The following RAB11FIP3 variants were observed in gnomAD, a reference collection of about 807,000 sequenced individuals.
RAB11FIP3 encodes the protein rab11 family-interacting protein 3.
Under a neutral mutation model 77.8 loss-of-function variants are expected in RAB11FIP3, and 17 were observed. That is an observed-to-expected ratio of 0.22 (90% CI 0.15 to 0.33). The LOEUF is 0.33. Ranked by LOEUF, RAB11FIP3 falls within the 10% of genes least tolerant of loss-of-function variation. The pLI, the probability that RAB11FIP3 is intolerant of heterozygous loss-of-function variation, is 1.00. For missense variants in RAB11FIP3, 1,005 were observed against 1,011.2 expected (o/e 0.99, Z 0.08); for synonymous variants, 437 against 448.2 (o/e 0.98, Z 0.31).
chr16:495,049 AGC>A (rs2030993704), intron 5 of RAB11FIP3, among the ~76,000 whole-genome samples: 397 of 149,530 alleles, frequency 2.7e-3, no homozygotes, highest in Admixed American at 4.9e-3. Flanking sequence ...TCGAGGCTGC[AGC>A]GAGCTGTGGT....
chr16:448,562 C>T (rs552276903), intron 1 of RAB11FIP3, among the ~76,000 whole-genome samples: 56 of 151,708 alleles, frequency 3.7e-4, no homozygotes, highest in African/African-American at 1.3e-3. Flanking sequence ...CGGTGAAACC[C>T]CTTCTCTAAT....
intron 3 of RAB11FIP3, chr16:475,216 G>A (rs2055880108): frequency 8.3e-7 from 1 of 1,202,016 alleles, no homozygotes; most frequent in Non-Finnish European, 1.1e-6. Flanking sequence ...GTTACTGATG[G>A]CCCTGAACGG....
intron 1 of RAB11FIP3, among the ~76,000 whole-genome samples, chr16:434,311 C>T (rs1484179730): frequency 5.9e-5 from 9 of 152,074 alleles, no homozygotes; most frequent in Admixed American, 1.3e-4. Flanking sequence ...TTAGTAGAGG[C>T]GGGGTTTCGC....
intron 2 of RAB11FIP3, among the ~76,000 whole-genome samples, chr16:463,877 C>T (rs958023455): frequency 6.6e-6 from 1 of 152,166 alleles, no homozygotes; most frequent in African/African-American, 2.4e-5. Flanking sequence ...CAGCGGGCTG[C>T]GGCAGGACAA....
chr16:488,003 C>T (rs1035417887), intron 4 of RAB11FIP3, among the ~76,000 whole-genome samples: 1 of 151,768 alleles, frequency 6.6e-6, no homozygotes, highest in Non-Finnish European at 1.5e-5. Context: ...GAACTTGTGA[C>T]GTGGGAGGGC....
At chr16:502,983 G>C in intron 6 of RAB11FIP3, 21 bp from the exon 7 acceptor site, 4 of 1,570,078 alleles carry the variant, frequency 2.5e-6, no homozygotes, top group Non-Finnish European at 3.5e-6. Flanking sequence ...TCTTCCCTCT[G>C]TTGTTGTGCC....
At chr16:450,888 G>A (rs1288065451) in intron 1 of RAB11FIP3, among the ~76,000 whole-genome samples, 1 of 118,336 alleles carries the variant, frequency 8.5e-6, no homozygotes, top group African/African-American at 3.4e-5. Flanking sequence ...CCCCTCGCCT[G>A]GGGCACACAC....
intron 4 of RAB11FIP3, 145 bp downstream of exon 4, chr16:482,881 C>T: frequency 1.2e-6 from 1 of 850,840 alleles, no homozygotes; most frequent in Non-Finnish European, 1.8e-6. Context: ...TGCAGTAGCT[C>T]CTGACCTTCC....
At chr16:444,017 A>G (rs189863169) in intron 1 of RAB11FIP3, among the ~76,000 whole-genome samples, 1 of 152,294 alleles carries the variant, frequency 6.6e-6, no homozygotes, top group Admixed American at 6.5e-5. Flanking sequence ...GTTCCTCTGC[A>G]TGTTAATAAA....
rs2054949237 is a variant in RAB11FIP3 at position 426,596 on chromosome 16, C to T, written c.590C>T (p.Pro197Leu). The change falls in exon 1 of 14, where the codon CCC becomes CTC. Residue 197 changes from proline to leucine, a missense_variant. Transcript: ENST00000262305. This position sits in a 1 kb window ranked among gnomAD's most constrained non-coding sequence, Gnocchi z 5.0. ...CAGACCCACCCCCTTCCGAGCGAGC[C>T]CGTGGGGAGTCAGGAGGACGGCCCC... ...LSQTHPLPSE[P>L]VGSQEDGPRL... 1 of 1,598,042 alleles carries T rather than the reference C, an allele frequency of 6.3e-7. No homozygotes were observed. The highest frequency in any genetic ancestry group is 8.5e-7 in the Non-Finnish European group (1 of 1,173,376).
chr16:463,224 C>G (rs1166039561), intron 2 of RAB11FIP3, among the ~76,000 whole-genome samples: 1 of 151,998 alleles, frequency 6.6e-6, no homozygotes, highest in African/African-American at 2.4e-5. Context: ...TCCTTTCCCT[C>G]CTTCATGCAC....
intron 6 of RAB11FIP3, among the ~76,000 whole-genome samples, chr16:501,524 C>T (rs564947157): frequency 2.3e-5 from 2 of 88,406 alleles, no homozygotes; most frequent in Non-Finnish European, 4.3e-5. Context: ...CAAGGAAGCT[C>T]GGAGAGGGTC....
Position 506,862 on chromosome 16 carries a change from G to T in RAB11FIP3, c.1499+1235G>T, listed in dbSNP as rs1028066547. Among the ~76,000 whole-genome samples the T allele has an allele frequency of 9.2e-5, 14 of 152,208 alleles. No homozygotes were observed. Among genetic ancestry groups the T allele is most frequent in the African/African-American group, 3.1e-4 (13 of 41,444 alleles). On this transcript the variant is annotated intron_variant, in intron 8 of 13. Transcript: ENST00000262305. The surrounding 1 kb of genome is among the most constrained non-coding windows in gnomAD (Gnocchi z 4.5). ...GAGTGGAGAGGGGCCAGGCATGCTG[G>T]TGAAGGGGCTGGACTCCCGTAGTGC... is the stretch of plus-strand genomic sequence containing the variant.
rs968434339 is a variant in RAB11FIP3, at chr16:461,206, T to C, written c.715-198T>C. On this transcript the variant is annotated intron_variant, in intron 1 of 13. Transcript: ENST00000262305. The surrounding 1 kb of genome is among the most constrained non-coding windows in gnomAD (Gnocchi z 4.5). ...TCGCATGCGGAGCACACAGTAGGCT[T>C]TGCGCTCCTGTGAGAAGAACCTGAT... Among the ~76,000 whole-genome samples, 1 of 152,090 alleles carries C rather than the reference T, an allele frequency of 6.6e-6. No homozygotes were observed. Among genetic ancestry groups the C allele is most frequent in the African/African-American group, 2.4e-5 (1 of 41,414 alleles).
intron 2 of RAB11FIP3, among the ~76,000 whole-genome samples, chr16:463,077 A>G (rs1372654438): frequency 6.6e-6 from 1 of 152,054 alleles, no homozygotes; most frequent in Non-Finnish European, 1.5e-5. Context: ...TCGGTTCTTC[A>G]CAGTGGCCGT....
At chr16:480,154 A>T (rs2056006026) in intron 3 of RAB11FIP3, among the ~76,000 whole-genome samples, 1 of 150,166 alleles carries the variant, frequency 6.7e-6, no homozygotes, top group Non-Finnish European at 1.5e-5. Context: ...GCGTGGTGGC[A>T]CGCATCTATA....
intron 7 of RAB11FIP3, among the ~76,000 whole-genome samples, chr16:504,121 G>A (rs552420904): frequency 2.2e-5 from 1 of 46,000 alleles, no homozygotes; most frequent in Admixed American, 2.3e-4. Context: ...ACCTCCTCCT[G>A]TACCCCCCCA....
chr16:451,291 T>G (rs2055403472), intron 1 of RAB11FIP3: 1 of 152,046 alleles, frequency 6.6e-6, no homozygotes, highest in African/African-American at 2.4e-5. Context: ...CCATCCCTCC[T>G]TCCCCACACC....
chr16:492,846 C>A (rs1033592445), intron 5 of RAB11FIP3, among the ~76,000 whole-genome samples: 10 of 152,190 alleles, frequency 6.6e-5, no homozygotes. Flanking sequence ...GCCATGGTCG[C>A]CTCTGCTGGG....
Sources: allele counts gnomAD v4.1 joint callset (sites outside exome capture counted in the v4.1 genomes callset), GRCh38; gene constraint gnomAD v4.1.1; non-coding constraint Gnocchi (gnomAD v3.1); transcripts MANE v1.5; gene names NCBI Gene and HGNC (gene_info 2026-07-23, HGNC 2026-07-21).